Variants in ERC1 observed in about 807,000 individuals in gnomAD.
ERC1 encodes the protein ELKS/RAB6-interacting/CAST family member 1.
Under a neutral mutation model 132.0 loss-of-function variants are expected in ERC1, and 56 were observed. The observed-to-expected ratio is 0.42, with a 90% CI of 0.34 to 0.53. The LOEUF is 0.53. Among genes scored for constraint, ERC1 ranks in the 20% least tolerant of loss-of-function variants. The probability of loss-of-function intolerance (pLI) is 0.03; values close to 1 mark genes in which losing one functional copy is unlikely to be tolerated. For synonymous variants in ERC1, 478 were observed against 476.1 expected, an observed-to-expected ratio of 1.00 and a Z score of -0.05; for missense variants, 1,202 against 1,349.9, an observed-to-expected ratio of 0.89 and a Z score of 1.72.
At chr12:1,017,604 TTC>T (rs1965721453) in intron 1 of ERC1, among the ~76,000 whole-genome samples, 1 of 151,480 alleles carries the variant, frequency 6.6e-6, no homozygotes, top group African/African-American at 2.4e-5. Context: ...GTTCAAGCGA[TTC>T]TCATGCCTCA....
chr12:1,142,261 TC>T (rs960252147), intron 8 of ERC1, among the ~76,000 whole-genome samples: 3 of 152,184 alleles, frequency 2.0e-5, no homozygotes, highest in Non-Finnish European at 2.9e-5. Flanking sequence ...ATCTTACTGT[TC>T]CTTAGTGCTT....
chr12:1,298,543 A>C (rs1322335131), intron 15 of ERC1, among the ~76,000 whole-genome samples: 2 of 85,474 alleles, frequency 2.3e-5, no homozygotes, highest in African/African-American at 5.2e-5. Flanking sequence ...ACTCTGTCAC[A>C]AAAAAAAAAA....
At chr12:1,223,966 C>G (rs2154296571) in intron 12 of ERC1, among the ~76,000 whole-genome samples, 1 of 152,114 alleles carries the variant, frequency 6.6e-6, no homozygotes, top group South Asian at 2.1e-4. Flanking sequence ...AATTTAGATT[C>G]AAATCAAACT....
chr12:1,483,374 A>C (rs933048886), intron 18 of ERC1, among the ~76,000 whole-genome samples: 1 of 152,176 alleles, frequency 6.6e-6, no homozygotes, highest in Non-Finnish European at 1.5e-5. Context: ...TAATGTTTTT[A>C]TATACTTTAC....
chr12:1,350,880 TG>T (rs2084932663), intron 15 of ERC1, among the ~76,000 whole-genome samples: 2 of 152,166 alleles, frequency 1.3e-5, no homozygotes, highest in South Asian at 4.1e-4. Context: ...AGGGGACACA[TG>T]CAAACAGGAG....
At chr12:1,054,934 C>T (rs1270310582) in intron 2 of ERC1, among the ~76,000 whole-genome samples, 1 of 151,916 alleles carries the variant, frequency 6.6e-6, no homozygotes, top group Non-Finnish European at 1.5e-5. Context: ...GTATTCTGGC[C>T]CACATTAGCT....
intron 12 of ERC1, among the ~76,000 whole-genome samples, chr12:1,194,271 A>AT (rs1382919570): frequency 2.0e-5 from 3 of 152,040 alleles, no homozygotes; most frequent in African/African-American, 7.2e-5. Context: ...AAACACAAAA[A>AT]TTAGCCAGGC....
At chr12:1,213,056 T>C (rs933049310) in intron 12 of ERC1, among the ~76,000 whole-genome samples, 1 of 152,236 alleles carries the variant, frequency 6.6e-6, no homozygotes, top group Non-Finnish European at 1.5e-5. Context: ...TTTAGTTGTC[T>C]AGTAATCCCG....
intron 2 of ERC1, among the ~76,000 whole-genome samples, chr12:1,072,442 T>C (rs1940561045): frequency 6.6e-6 from 1 of 151,082 alleles, no homozygotes; most frequent in Non-Finnish European, 1.5e-5. Context: ...TCTGCATTAA[T>C]TTCTCAAAAA....
chr12:1,357,029 C>T (rs957843616), intron 15 of ERC1, among the ~76,000 whole-genome samples: 3 of 152,198 alleles, frequency 2.0e-5, no homozygotes, highest in Admixed American at 6.5e-5. Context: ...AGTACTCTCT[C>T]AGCATCCCAG....
intron 15 of ERC1, among the ~76,000 whole-genome samples, chr12:1,316,156 G>A (rs1261933596): frequency 6.6e-6 from 1 of 152,112 alleles, no homozygotes. Flanking sequence ...CAAAGTGCTG[G>A]GATTACTGGC....
intron 15 of ERC1, among the ~76,000 whole-genome samples, chr12:1,337,966 C>A (rs954349591): frequency 6.6e-6 from 1 of 152,174 alleles, no homozygotes; most frequent in Admixed American, 6.5e-5. Context: ...CTGCCTTTAA[C>A]ATTTTTTTCT....
In ERC1 at chr12:1,117,424, T is replaced by G. The variant is rs188387161; in HGVS notation, c.1569+1391T>G. ...ATAACTTACACTTTTTCTATTTTAGTTATGTTTCATTTTGTTATGATGTCA... is the reference window on the plus strand; with the variant it reads ...ATAACTTACACTTTTTCTATTTTAGGTATGTTTCATTTTGTTATGATGTCA... On this transcript the variant is annotated intron_variant, in intron 7 of 18. Transcript: ENST00000360905. Among the ~76,000 whole-genome samples, 133 of 152,314 alleles carry G rather than the reference T, an allele frequency of 8.7e-4. 1 individual carries two copies. Among genetic ancestry groups the G allele is most frequent in the Middle Eastern group, 6.8e-3 (2 of 294 alleles).
chr12:1,195,782 A>G (rs531790442), intron 12 of ERC1, among the ~76,000 whole-genome samples: 9 of 150,024 alleles, frequency 6.0e-5, no homozygotes, highest in African/African-American at 2.2e-4. Context: ...GTGAGATAGG[A>G]CAATTTCTGA....
chr12:1,460,945 C>T (rs16928465), intron 18 of ERC1, among the ~76,000 whole-genome samples: 9,475 of 124,594 alleles, frequency 0.076, 976 homozygotes, highest in African/African-American at 0.25. Context: ...CTTGCCTAAA[C>T]GATGAGGAGG....
chr12:1,166,676 T>C (rs1952458170), intron 8 of ERC1, among the ~76,000 whole-genome samples: 1 of 152,226 alleles, frequency 6.6e-6, no homozygotes, highest in Non-Finnish European at 1.5e-5. Context: ...TCTGTTAATG[T>C]GGTACATTAT....
At chr12:1,316,045 C>T (rs1256132293) in intron 15 of ERC1, among the ~76,000 whole-genome samples, 8 of 152,186 alleles carry the variant, frequency 5.3e-5, no homozygotes, top group South Asian at 2.1e-4. Context: ...CATGCCATCA[C>T]GCCCGACTAA....
intron 12 of ERC1, among the ~76,000 whole-genome samples, chr12:1,219,635 C>CTTTTTTTTTTTTTTTTTTTTT (rs775838825): frequency 7.1e-6 from 1 of 140,740 alleles, no homozygotes; most frequent in Non-Finnish European, 1.5e-5. Flanking sequence ...ACTGAACTCT[C>CTTTTTTTTTTTTTTTTTTTTT]TTTTTTTTTT....
chr12:1,277,979 T>A (rs2154335099), intron 14 of ERC1, among the ~76,000 whole-genome samples: 1 of 152,348 alleles, frequency 6.6e-6, no homozygotes, highest in Middle Eastern at 3.4e-3. Context: ...CACTGTAGAC[T>A]CTCGCTCTGC....
Sources: gnomAD v4.1 joint callset for allele counts (sites outside exome capture counted in the v4.1 genomes callset) on GRCh38, gnomAD v4.1.1 for gene constraint, MANE v1.5 for transcripts, NCBI Gene and HGNC (gene_info 2026-07-23, HGNC 2026-07-21) for gene names.